Variants in RELL1 observed in about 807,000 individuals in gnomAD.
RELL1 encodes RELT-like protein 1.
Under a neutral mutation model 23.0 loss-of-function variants are expected in RELL1, and 10 were observed. The ratio of observed to expected loss-of-function variants is 0.43; its 90% confidence interval spans 0.27 to 0.74. RELL1 has a LOEUF of 0.74. RELL1 is among the 30% of genes least tolerant of loss of function. RELL1 has a pLI of 0.19. For synonymous variants in RELL1, 146 were observed against 146.8 expected, an observed-to-expected ratio of 0.99 and a Z score of 0.04; for missense variants, 315 against 364.4, an observed-to-expected ratio of 0.86 and a Z score of 1.10.
chr4:37,600,996 C>G (rs1162404068), intron 6 of RELL1, among the ~76,000 whole-genome samples: 2 of 152,108 alleles, frequency 1.3e-5, no homozygotes, highest in African/African-American at 4.8e-5. Context: ...ACATGCACAT[C>G]TTGTCATAAA....
At chr4:37,669,788 T>G (rs1360661828) in intron 1 of RELL1, among the ~76,000 whole-genome samples, 6 of 152,138 alleles carry the variant, frequency 3.9e-5, no homozygotes, top group African/African-American at 1.4e-4. Flanking sequence ...CAGGGTTAAA[T>G]GGATTAAGGG....
At chr4:37,589,489 A>G (rs1425921270), downstream of RELL1, among the ~76,000 whole-genome samples, 1 of 152,152 alleles carries the variant, frequency 6.6e-6, no homozygotes, top group Non-Finnish European at 1.5e-5. Flanking sequence ...TTCCACTGAG[A>G]GGATATACTC....
intron 1 of RELL1, among the ~76,000 whole-genome samples, chr4:37,685,230 G>C (rs1435264251): frequency 1.3e-5 from 2 of 152,182 alleles, no homozygotes; most frequent in Non-Finnish European, 2.9e-5. Flanking sequence ...AAGGCTTCCA[G>C]TTGCTTATTA....
downstream of RELL1, among the ~76,000 whole-genome samples, chr4:37,587,785 G>A (rs1166485435): frequency 1.3e-5 from 2 of 152,020 alleles, no homozygotes; most frequent in Non-Finnish European, 2.9e-5. Flanking sequence ...CATGGCCAAC[G>A]TGGCAAAACC....
intron 1 of RELL1, among the ~76,000 whole-genome samples, chr4:37,666,765 C>T (rs1448585073): frequency 6.6e-6 from 1 of 152,318 alleles, no homozygotes. Context: ...GCACCCACAT[C>T]CCCACATGCA....
At chr4:37,669,190 G>A (rs1220164473) in intron 1 of RELL1, among the ~76,000 whole-genome samples, 1 of 130,770 alleles carries the variant, frequency 7.6e-6, no homozygotes, top group Admixed American at 7.4e-5. Flanking sequence ...GTGGGGGGGG[G>A]GGTCAGCCCC....
intron 6 of RELL1, among the ~76,000 whole-genome samples, chr4:37,623,951 G>A (rs1719854110): frequency 6.6e-6 from 1 of 152,142 alleles, no homozygotes; most frequent in Non-Finnish European, 1.5e-5. Flanking sequence ...CTAACTAGTA[G>A]TACCTGCAGT....
At chr4:37,596,736 A>ATATATT (rs1365185216) in intron 6 of RELL1, among the ~76,000 whole-genome samples, 1 of 16,508 alleles carries the variant, frequency 6.1e-5, no homozygotes, top group African/African-American at 1.3e-4. Flanking sequence ...ATATATATAT[A>ATATATT]TTTTTTTTTT....
At chr4:37,656,554 G>A (rs1721124851) in intron 1 of RELL1, among the ~76,000 whole-genome samples, 1 of 152,218 alleles carries the variant, frequency 6.6e-6, no homozygotes, top group African/African-American at 2.4e-5. Flanking sequence ...GCTATAGTTT[G>A]AATATGATCT....
At position 37,634,592 on chromosome 4, in the gene RELL1, A is replaced by G. The variant is rs139227528; in HGVS notation, c.680+295T>C. On this transcript the variant is annotated intron_variant, in intron 5 of 6. Coordinates refer to ENST00000454158, the MANE Select transcript of RELL1 (RefSeq NM_001085400.2). Reference sequence around the variant, plus strand: ...TATCTCAATACCTGCCCTGGATTCCATAAGTGAAATATAAATGTCTATTCT... The same window carrying G: ...TATCTCAATACCTGCCCTGGATTCCGTAAGTGAAATATAAATGTCTATTCT... Among the ~76,000 whole-genome samples, 499 of 152,384 alleles carry G rather than the reference A, an allele frequency of 3.3e-3. 2 individuals carry two copies. The highest frequency in any genetic ancestry group is 0.012 in the African/African-American group (481 of 41,596).
intron 6 of RELL1, among the ~76,000 whole-genome samples, chr4:37,592,431 C>T (rs1054774699): frequency 6.6e-6 from 1 of 151,424 alleles, no homozygotes; most frequent in African/African-American, 2.4e-5. Context: ...AGAGCCATAG[C>T]TTTGGCTTTC....
rs139772417 is a variant in RELL1, at chr4:37,630,614, C to T, written c.*3+771G>A. Among the ~76,000 whole-genome samples the T allele has an allele frequency of 7.6e-3, 1,156 of 151,974 alleles. 14 individuals carry two copies. Among genetic ancestry groups the T allele is most frequent in the African/African-American group, 0.026 (1,070 of 41,472 alleles). On this transcript the variant is annotated intron_variant, in intron 6 of 6. Coordinates refer to ENST00000454158, the MANE Select transcript of RELL1 (RefSeq NM_001085400.2). The stretch of plus-strand genomic sequence containing the variant: ...TCTCCTGACCTCATGATCCGCCTGC[C>T]TCGGCCTCCCAAAGTGCTGGGATTA...
At chr4:37,620,915 C>T (rs371763198) in intron 6 of RELL1, among the ~76,000 whole-genome samples, 6 of 152,130 alleles carry the variant, frequency 3.9e-5, no homozygotes, top group Non-Finnish European at 7.4e-5. Context: ...AGTATCCCTA[C>T]GAAGTAGTAG....
rs116343717 is a variant in RELL1 at position 37,613,513 on chromosome 4, G to T, written c.*4-171C>A. Among the ~76,000 whole-genome samples, 911 of 152,080 alleles carry T rather than the reference G, an allele frequency of 6.0e-3. 6 individuals carry two copies. The highest frequency in any genetic ancestry group is 0.021 in the African/African-American group (872 of 41,454). ...CTGTACATTTTTTTCTAGAATTCAGGCTAAAGAAATTTAAGTAAAATATAA... is the reference window on the plus strand; with the variant it reads ...CTGTACATTTTTTTCTAGAATTCAGTCTAAAGAAATTTAAGTAAAATATAA... On this transcript the variant is annotated intron_variant, in intron 6 of 6. Transcript: ENST00000454158.
chr4:37,683,855 G>A (rs1483688218), intron 1 of RELL1, among the ~76,000 whole-genome samples: 2 of 152,060 alleles, frequency 1.3e-5, no homozygotes, highest in African/African-American at 2.4e-5. Context: ...GCCAAGGTGG[G>A]CGGATCACGA....
At chr4:37,652,595 T>C (rs1053114172) in intron 1 of RELL1, among the ~76,000 whole-genome samples, 1 of 152,062 alleles carries the variant, frequency 6.6e-6, no homozygotes, top group African/African-American at 2.4e-5. Context: ...GGGGTGAAAA[T>C]AAATTCTTTT....
rs765239863 is a variant in RELL1, at chr4:37,686,249, G to T, written c.39C>A (p.Ala13=). The change falls in exon 1 of 7, where the codon GCC becomes GCA. Residue 13 remains alanine, a synonymous_variant. Coordinates refer to ENST00000454158, the MANE Select transcript of RELL1 (RefSeq NM_001085400.2). Reference sequence around the variant, plus strand: ...CGGCGCCTCCCACGAAGACAGCAGCGGCTAGGACGGCGGACCCCGGGAGTG... The same window carrying T: ...CGGCGCCTCCCACGAAGACAGCAGCTGCTAGGACGGCGGACCCCGGGAGTG... ...PRALPGSAVL[A]AAVFVGGAVS... is the part of the protein sequence containing the mutation. The T allele has an allele frequency of 5.7e-6, 9 of 1,573,738 alleles. No individual in the cohort carries two copies. In the South Asian group the frequency reaches 1.0e-4, roughly 18 times the overall value.
chr4:37,671,963 G>A (rs1337318629), intron 1 of RELL1, among the ~76,000 whole-genome samples: 1 of 152,086 alleles, frequency 6.6e-6, no homozygotes, highest in Non-Finnish European at 1.5e-5. Context: ...CAGCCAAATG[G>A]TAGAGATTCA....
At position 37,638,583 on chromosome 4, in the gene RELL1, C is replaced by T. The variant is rs559607438; in HGVS notation, c.386-79G>A. ...ATCACATCAGAAAAGCTGTTGAAAA[C>T]ACATCTAATTCCATTCTTTCAGTTC... On this transcript the variant is annotated intron_variant, in intron 3 of 6. Transcript: ENST00000454158. 4.6e-6 allele frequency: 5 copies of T among 1,084,946 alleles called. No individual in the cohort carries two copies. In the South Asian group the frequency reaches 7.4e-5, roughly 16 times the overall value. The allele number at this position is 1,084,946 out of a possible 1,614,324, so 67.2% of individuals were successfully genotyped here.
Sources: gnomAD v4.1 joint callset for allele counts (sites outside exome capture counted in the v4.1 genomes callset) on GRCh38, gnomAD v4.1.1 for gene constraint, MANE v1.5 for transcripts, NCBI Gene and HGNC (gene_info 2026-07-23, HGNC 2026-07-21) for gene names.